SULF1: variants seen among roughly 807,000 people sequenced by gnomAD.
SULF1 encodes the protein extracellular sulfatase Sulf-1.
In SULF1, 46 loss-of-function variants were observed where a neutral mutation model predicts 110.5. The observed-to-expected ratio is 0.42, with a 90% confidence interval of 0.33 to 0.53. The LOEUF (loss-of-function observed/expected upper bound fraction) is 0.53, where lower values mean the gene tolerates loss of function less well. SULF1 is among the 20% of genes least tolerant of loss of function. The probability of loss-of-function intolerance (pLI) is 0.12; values close to 1 mark genes in which losing one functional copy is unlikely to be tolerated. For synonymous variants in SULF1, 371 were observed against 387.1 expected, an observed-to-expected ratio of 0.96 and a Z score of 0.49; for missense variants, 941 against 1,094.2, an observed-to-expected ratio of 0.86 and a Z score of 1.98.
At chr8:69,654,035 G>T (rs1032814362) in intron 22 of SULF1, among the ~76,000 whole-genome samples, 11 of 152,168 alleles carry the variant, frequency 7.2e-5, no homozygotes, top group Admixed American at 7.2e-4. Context: ...ACTCAGGTTT[G>T]CCAGCTTCTG....
chr8:69,593,426 G>A (rs1054553057), intron 8 of SULF1, among the ~76,000 whole-genome samples: 1 of 152,232 alleles, frequency 6.6e-6, no homozygotes, highest in African/African-American at 2.4e-5. Flanking sequence ...AGGGATGCAA[G>A]TAACGTGAAC....
chr8:69,509,743 A>G (rs548830253), intron 3 of SULF1, among the ~76,000 whole-genome samples: 5 of 152,238 alleles, frequency 3.3e-5, no homozygotes, highest in East Asian at 1.9e-4. Flanking sequence ...GAAATATTCA[A>G]TTTTCTTTTT....
chr8:69,613,557 A>G (rs1808839090), intron 13 of SULF1, among the ~76,000 whole-genome samples: 1 of 152,194 alleles, frequency 6.6e-6, no homozygotes, highest in African/African-American at 2.4e-5. Context: ...AAACTGTTCT[A>G]TGAGATACAT....
chr8:69,590,421 T>C (rs939177950), intron 8 of SULF1, among the ~76,000 whole-genome samples: 1 of 152,168 alleles, frequency 6.6e-6, no homozygotes, highest in Non-Finnish European at 1.5e-5. Flanking sequence ...CACCTCGGCC[T>C]CCCAAAGTGC....
chr8:69,577,057 G>A (rs1446406416), intron 6 of SULF1, among the ~76,000 whole-genome samples: 3 of 152,098 alleles, frequency 2.0e-5, no homozygotes, highest in Admixed American at 6.5e-5. Context: ...AGCGCCCTAC[G>A]GGCACTTAAT....
intron 3 of SULF1, among the ~76,000 whole-genome samples, chr8:69,549,226 A>C (rs1814515734): frequency 6.6e-6 from 1 of 152,228 alleles, no homozygotes; most frequent in Admixed American, 6.5e-5. Context: ...ATGAAACAGC[A>C]GGAGATAACC....
rs111556401 is a variant in SULF1 at position 69,651,051 on chromosome 8, C to CTT, written c.2586-7451_2586-7450dup. Among the ~76,000 whole-genome samples the CTT allele has an allele frequency of 8.3e-4, 112 of 134,174 alleles. 1 individual carries two copies. The highest frequency in any genetic ancestry group is 2.0e-3 in the South Asian group (8 of 4,034). 88.0% of individuals were successfully genotyped at this position (134,174 alleles called of 152,430 possible). On this transcript the variant is annotated intron_variant, in intron 22 of 22. Coordinates refer to ENST00000402687, the MANE Select transcript of SULF1 (RefSeq NM_001128205.2). ...TCTATCAACATCTATTCTTTTTTTTCTTTTCTTTTTTTTTTTTTTTGAGAC... is the reference window on the plus strand; with the variant it reads ...TCTATCAACATCTATTCTTTTTTTTCTTTTTTCTTTTTTTTTTTTTTTGAGAC...
At chr8:69,493,250 G>A (rs1458534922) in intron 1 of SULF1, 125 bp downstream of exon 1, 2 of 152,440 alleles carry the variant, frequency 1.3e-5, no homozygotes, top group Non-Finnish European at 2.9e-5. Flanking sequence ...CTCAGATGAT[G>A]GAAAGTATGT....
intron 13 of SULF1, 48 bp downstream of exon 13, chr8:69,604,980 T>A: frequency 6.3e-7 from 1 of 1,596,874 alleles, no homozygotes; most frequent in Non-Finnish European, 8.5e-7. Flanking sequence ...CTTCTCCATC[T>A]CTAATTTAGA....
At chr8:69,550,483 G>A (rs924913819) in intron 3 of SULF1, among the ~76,000 whole-genome samples, 1 of 152,122 alleles carries the variant, frequency 6.6e-6, no homozygotes, top group Admixed American at 6.6e-5. Flanking sequence ...AGAAAAAGGT[G>A]GAATGGTGAG....
At chr8:69,578,769 G>T (rs1211926171) in intron 6 of SULF1, among the ~76,000 whole-genome samples, 1 of 151,996 alleles carries the variant, frequency 6.6e-6, no homozygotes. Flanking sequence ...TTTCCCCAGG[G>T]TTTAGACACT....
chr8:69,533,950 T>C (rs16936022), intron 3 of SULF1, among the ~76,000 whole-genome samples: 14,119 of 152,158 alleles, frequency 0.093, 1,265 homozygotes, highest in East Asian at 0.41. Flanking sequence ...AGAAAAAAAA[T>C]TTGCAATGTT....
Position 69,556,483 on chromosome 8 carries a change from C to T in SULF1, c.-133-7056C>T, listed in dbSNP as rs76684973. Among the ~76,000 whole-genome samples, 879 of 152,278 alleles carry T rather than the reference C, an allele frequency of 5.8e-3. 12 individuals carry two copies. The highest frequency in any genetic ancestry group is 0.02 in the African/African-American group (842 of 41,542). On this transcript the variant is annotated intron_variant, in intron 3 of 22. Transcript: ENST00000402687. ...TGGCTGGGCAGAGCAGAGTTCTCTG[C>T]CATTCTATGTGTGACTTGCAGTATG... is the stretch of plus-strand genomic sequence containing the variant.
intron 3 of SULF1, among the ~76,000 whole-genome samples, chr8:69,538,001 C>T (rs1813545444): frequency 6.6e-6 from 1 of 151,092 alleles, no homozygotes; most frequent in Non-Finnish European, 1.5e-5. Flanking sequence ...CGCTCTTTCA[C>T]CCAGGCTGTC....
chr8:69,505,894 G>GT (rs951864840), intron 3 of SULF1, among the ~76,000 whole-genome samples: 93 of 145,284 alleles, frequency 6.4e-4, no homozygotes, highest in East Asian at 3.0e-3. Flanking sequence ...TCGCTTAAGA[G>GT]TTTTTTTTTT....
At chr8:69,560,240 A>G (rs1390485888) in intron 3 of SULF1, among the ~76,000 whole-genome samples, 33 of 151,976 alleles carry the variant, frequency 2.2e-4, no homozygotes, top group Non-Finnish European at 4.4e-5. Flanking sequence ...GTCCCCTTAA[A>G]CCTTTGGGAG....
intron 1 of SULF1, chr8:69,467,238 G>T (rs1446029646): frequency 6.6e-6 from 1 of 152,202 alleles, no homozygotes; most frequent in East Asian, 1.9e-4. Flanking sequence ...GCTATAACTT[G>T]CTTGTAGAGG....
chr8:69,518,053 A>G (rs1812057809), intron 3 of SULF1, among the ~76,000 whole-genome samples: 2 of 152,146 alleles, frequency 1.3e-5, no homozygotes. Flanking sequence ...GTGAATTTAT[A>G]TTTTTTAACA....
At chr8:69,477,992 G>A (rs1422491993) in intron 1 of SULF1, among the ~76,000 whole-genome samples, 4 of 151,980 alleles carry the variant, frequency 2.6e-5, no homozygotes, top group African/African-American at 4.8e-5. Context: ...AAGTAGCTGG[G>A]ACCTCCAGCA....
Sources: gnomAD v4.1 joint callset for allele counts (sites outside exome capture counted in the v4.1 genomes callset) on GRCh38, gnomAD v4.1.1 for gene constraint, MANE v1.5 for transcripts, NCBI Gene and HGNC (gene_info 2026-07-23, HGNC 2026-07-21) for gene names.